SNAP91: variants seen among roughly 807,000 people sequenced by gnomAD.
SNAP91 encodes the protein clathrin coat assembly protein AP180.
SNAP91 carries 27 observed loss-of-function variants against 100.3 expected under a neutral mutation model. The observed-to-expected ratio is 0.27, with a 90% CI of 0.20 to 0.37. The LOEUF (loss-of-function observed/expected upper bound fraction) is 0.37, where lower values mean the gene tolerates loss of function less well. Among genes scored for constraint, SNAP91 ranks in the 10% least tolerant of loss-of-function variants. The pLI is 1.00. For missense variants in SNAP91, 986 were observed against 1,123.7 expected (o/e 0.88, Z 1.75); for synonymous variants, 404 against 398.6 (o/e 1.01, Z -0.16).
At chr6:83,653,968 C>T (rs2098309713) in intron 7 of SNAP91, among the ~76,000 whole-genome samples, 1 of 152,268 alleles carries the variant, frequency 6.6e-6, no homozygotes, top group Admixed American at 6.5e-5. Context: ...GTTGCTCCTT[C>T]TTAAGGACAA....
At chr6:83,604,441 G>A (rs995799432) in intron 14 of SNAP91, among the ~76,000 whole-genome samples, 3 of 152,064 alleles carry the variant, frequency 2.0e-5, no homozygotes, top group African/African-American at 7.2e-5. Context: ...CATTTTAAAT[G>A]TTCTTATTTA....
intron 26 of SNAP91, among the ~76,000 whole-genome samples, chr6:83,567,915 A>G (rs1322194077): frequency 2.6e-5 from 4 of 152,112 alleles, no homozygotes; most frequent in Admixed American, 1.3e-4. Context: ...AACTAGTTCA[A>G]CCATTGTGGA....
chr6:83,682,210 C>G (rs1226652387), intron 2 of SNAP91, among the ~76,000 whole-genome samples: 3 of 139,376 alleles, frequency 2.2e-5, no homozygotes, highest in African/African-American at 8.0e-5. Context: ...CAGGGTCTCG[C>G]TCTGTTGTGC....
At chr6:83,601,516 C>A in intron 15 of SNAP91, 69 bp downstream of exon 15, 1 of 1,610,700 alleles carries the variant, frequency 6.2e-7, no homozygotes, top group South Asian at 1.1e-5. Context: ...TCCAAATGAT[C>A]AAAATAAGGA....
At chr6:83,702,652 T>C (rs1162230862) in intron 2 of SNAP91, among the ~76,000 whole-genome samples, 1 of 151,846 alleles carries the variant, frequency 6.6e-6, no homozygotes, top group Non-Finnish European at 1.5e-5. Context: ...AAAAATCAAA[T>C]TGAGTTATCA....
intron 16 of SNAP91, among the ~76,000 whole-genome samples, chr6:83,600,061 G>T (rs559131246): frequency 6.6e-6 from 1 of 152,308 alleles, no homozygotes; most frequent in Non-Finnish European, 1.5e-5. Context: ...TAGTATTACA[G>T]ATGTGAGCCA....
intron 26 of SNAP91, among the ~76,000 whole-genome samples, chr6:83,570,891 C>T (rs967849574): frequency 3.9e-5 from 6 of 152,176 alleles, no homozygotes; most frequent in Non-Finnish European, 5.9e-5. Flanking sequence ...GGGATGGGGG[C>T]CCCCACACAG....
intron 22 of SNAP91, among the ~76,000 whole-genome samples, chr6:83,587,115 A>T (rs1017942381): frequency 1.3e-5 from 2 of 152,204 alleles, no homozygotes. Flanking sequence ...TCAAAATGAT[A>T]CCAATTTTTA....
chr6:83,676,888 A>G (rs762838832), intron 2 of SNAP91, among the ~76,000 whole-genome samples: 18 of 152,146 alleles, frequency 1.2e-4, no homozygotes, highest in Non-Finnish European at 1.3e-4. Flanking sequence ...AAGCAGGAAA[A>G]CAAAAGGTAG....
At chr6:83,612,062 T>C (rs1334748670) in intron 11 of SNAP91, among the ~76,000 whole-genome samples, 1 of 151,846 alleles carries the variant, frequency 6.6e-6, no homozygotes, top group Admixed American at 6.6e-5. Flanking sequence ...TGCAAATACA[T>C]GCCTGCCATT....
chr6:83,555,031 T>C (rs1179799588), intron 29 of SNAP91, among the ~76,000 whole-genome samples: 1 of 152,154 alleles, frequency 6.6e-6, no homozygotes, highest in African/African-American at 2.4e-5. Context: ...AGGGCAACAT[T>C]TACTAAGTAA....
chr6:83,634,264 C>G (rs954356828), intron 8 of SNAP91, among the ~76,000 whole-genome samples: 1 of 152,132 alleles, frequency 6.6e-6, no homozygotes, highest in Non-Finnish European at 1.5e-5. Flanking sequence ...ATTTTTTTCA[C>G]TGCTTCTTCT....
intron 24 of SNAP91, among the ~76,000 whole-genome samples, chr6:83,577,699 C>T (rs1236576098): frequency 6.6e-6 from 1 of 152,122 alleles, no homozygotes; most frequent in East Asian, 1.9e-4. Context: ...GAAGCGTCAG[C>T]TAACACTGAA....
At chr6:83,636,330 C>T (rs2097445094) in intron 8 of SNAP91, among the ~76,000 whole-genome samples, 2 of 152,128 alleles carry the variant, frequency 1.3e-5, no homozygotes, top group Non-Finnish European at 2.9e-5. Flanking sequence ...CTTTACTTAA[C>T]ACCATATTTC....
intron 2 of SNAP91, among the ~76,000 whole-genome samples, chr6:83,701,390 A>G (rs1343229839): frequency 1.3e-5 from 2 of 152,116 alleles, no homozygotes; most frequent in East Asian, 3.9e-4. Context: ...TACACCAAGC[A>G]GGGAGAGACC....
intron 6 of SNAP91, among the ~76,000 whole-genome samples, chr6:83,658,793 G>A (rs2098467377): frequency 1.3e-5 from 2 of 152,112 alleles, no homozygotes; most frequent in South Asian, 4.1e-4. Flanking sequence ...ATTTTTCCAT[G>A]ACTTATGTAA....
intron 11 of SNAP91, among the ~76,000 whole-genome samples, chr6:83,612,365 T>C (rs9362001): frequency 0.73 from 110,443 of 151,958 alleles, 40,485 homozygotes; most frequent in South Asian, 0.85. Context: ...TTTCTCCACT[T>C]CCACTATTTT....
intron 8 of SNAP91, among the ~76,000 whole-genome samples, chr6:83,634,988 A>G (rs1008567529): frequency 1.3e-5 from 2 of 152,062 alleles, no homozygotes; most frequent in African/African-American, 4.8e-5. Flanking sequence ...TTTTTATTCT[A>G]CTGTGGTCTA....
intron 22 of SNAP91, among the ~76,000 whole-genome samples, chr6:83,585,459 T>C (rs1247237809): frequency 6.6e-6 from 1 of 151,744 alleles, no homozygotes; most frequent in African/African-American, 2.4e-5. Context: ...AGCTCATCAG[T>C]TCAAGGCTGC....
Sources: gnomAD v4.1 joint callset for allele counts (sites outside exome capture counted in the v4.1 genomes callset) on GRCh38, gnomAD v4.1.1 for gene constraint, MANE v1.5 for transcripts, NCBI Gene and HGNC (gene_info 2026-07-23, HGNC 2026-07-21) for gene names.